RIMS2: variants seen among roughly 807,000 people sequenced by gnomAD.
RIMS2 encodes regulating synaptic membrane exocytosis protein 2.
RIMS2 carries 59 observed loss-of-function variants against 174.4 expected under a neutral mutation model. The ratio of observed to expected loss-of-function variants is 0.34; its 90% CI spans 0.27 to 0.42. The LOEUF (loss-of-function observed/expected upper bound fraction) is 0.42, where lower values mean the gene tolerates loss of function less well. Ranked by LOEUF, RIMS2 falls within the 10% of genes least tolerant of loss-of-function variation. The pLI is 1.00. For missense variants in RIMS2, 1,620 were observed against 1,666.3 expected (o/e 0.97, Z 0.48); for synonymous variants, 606 against 572.5 (o/e 1.06, Z -0.84).
intron 15 of RIMS2, among the ~76,000 whole-genome samples, chr8:103,967,343 A>G (rs1238829023): frequency 6.6e-6 from 1 of 151,132 alleles, no homozygotes; most frequent in Non-Finnish European, 1.5e-5. Context: ...GGCATGTGCC[A>G]CTACATCTGG....
intron 1 of RIMS2, among the ~76,000 whole-genome samples, chr8:103,609,115 A>T (rs1231217147): frequency 6.6e-6 from 1 of 152,038 alleles, no homozygotes; most frequent in Non-Finnish European, 1.5e-5. Context: ...AGTGATGTTG[A>T]GCATTTTTTC....
intron 19 of RIMS2, among the ~76,000 whole-genome samples, chr8:104,202,858 T>G (rs2099061726): frequency 6.6e-6 from 1 of 152,204 alleles, no homozygotes; most frequent in Non-Finnish European, 1.5e-5. Flanking sequence ...TGTGAAGAGA[T>G]ATAAATCACA....
At chr8:103,780,641 C>T (rs971228676) in intron 3 of RIMS2, among the ~76,000 whole-genome samples, 12 of 151,934 alleles carry the variant, frequency 7.9e-5, no homozygotes, top group Non-Finnish European at 1.6e-4. Context: ...TCCTGAATTG[C>T]TTTCTGTGTT....
intron 3 of RIMS2, among the ~76,000 whole-genome samples, chr8:103,811,746 G>A (rs151079376): frequency 3.9e-4 from 59 of 152,314 alleles, no homozygotes; most frequent in African/African-American, 1.3e-3. Flanking sequence ...ACACCCAGCT[G>A]TTGCGAGGTT....
intron 3 of RIMS2, among the ~76,000 whole-genome samples, chr8:103,779,765 AG>A (rs1322540053): frequency 5.6e-5 from 3 of 53,808 alleles, no homozygotes; most frequent in African/African-American, 2.3e-4. Flanking sequence ...GGGTGGGGGG[AG>A]GGGGGAGGGA....
intron 19 of RIMS2, among the ~76,000 whole-genome samples, chr8:104,032,190 G>A (rs1211938889): frequency 6.6e-6 from 1 of 151,916 alleles, no homozygotes; most frequent in African/African-American, 2.4e-5. Context: ...AATTGCAAAT[G>A]CTATTGAGAT....
chr8:104,070,394 C>G (rs978152520), intron 19 of RIMS2, among the ~76,000 whole-genome samples: 1 of 152,154 alleles, frequency 6.6e-6, no homozygotes, highest in South Asian at 2.1e-4. Flanking sequence ...TTCTAAATTT[C>G]TAGAACTTTT....
At chr8:103,897,911 A>G (rs1219847123) in intron 4 of RIMS2, among the ~76,000 whole-genome samples, 1 of 151,574 alleles carries the variant, frequency 6.6e-6, no homozygotes, top group Non-Finnish European at 1.5e-5. Context: ...TCTGGGTTCT[A>G]TTTTGAGCTG....
In RIMS2 at chr8:103,775,798, A is replaced by T. The variant is rs138232938; in HGVS notation, c.698+9261A>T. Among the ~76,000 whole-genome samples the T allele has an allele frequency of 2.7e-3, 415 of 152,310 alleles. 3 individuals are homozygous for T. The highest frequency in any genetic ancestry group is 9.5e-3 in the African/African-American group (396 of 41,588). On this transcript the variant is annotated intron_variant, in intron 3 of 23. Transcript: ENST00000504942. ...TCTTAAAAAAGATGTTTAACATAGT[A>T]TAATAATTGGTTTTACTGCATAGAA... is the stretch of plus-strand genomic sequence containing the variant.
In RIMS2 at chr8:104,193,892, C is replaced by T. The variant is rs866450974; in HGVS notation, c.3335-51024C>T. Among the ~76,000 whole-genome samples the T allele has an allele frequency of 7.2e-5, 11 of 152,186 alleles. No individual in the cohort carries two copies. The South Asian group carries it at 1.7e-3, about 23-fold the overall frequency. The stretch of plus-strand genomic sequence containing the variant: ...TCTGATATTAATACCTTCTTTGAAT[C>T]GAGACATTATAAAATCTTGCTAGCT... On this transcript the variant is annotated intron_variant, in intron 19 of 23. Coordinates refer to ENST00000504942, the Ensembl canonical transcript of RIMS2.
At chr8:103,560,282 G>T (rs1360237659) in intron 1 of RIMS2, among the ~76,000 whole-genome samples, 1 of 152,186 alleles carries the variant, frequency 6.6e-6, no homozygotes, top group African/African-American at 2.4e-5. Flanking sequence ...GGAGGCTGAG[G>T]TAGGAGAATC....
At chr8:103,602,333 G>A (rs770266527) in intron 1 of RIMS2, among the ~76,000 whole-genome samples, 5 of 152,102 alleles carry the variant, frequency 3.3e-5, no homozygotes, top group Non-Finnish European at 7.4e-5. Context: ...TTGGGGTTAC[G>A]TGTGCAGGTT....
At chr8:103,743,908 A>G (rs1177682054) in intron 2 of RIMS2, among the ~76,000 whole-genome samples, 2 of 152,198 alleles carry the variant, frequency 1.3e-5, no homozygotes, top group Non-Finnish European at 2.9e-5. Flanking sequence ...TGATTGAGAG[A>G]ATCAAATGAT....
At chr8:104,104,566 T>C in intron 19 of RIMS2, among the ~76,000 whole-genome samples, 1 of 152,144 alleles carries the variant, frequency 6.6e-6, no homozygotes, top group African/African-American at 2.4e-5. Flanking sequence ...GAAAATTATA[T>C]GATATAGTAA....
chr8:104,224,654 T>C (rs1015931356), intron 19 of RIMS2, among the ~76,000 whole-genome samples: 1 of 152,226 alleles, frequency 6.6e-6, no homozygotes. Flanking sequence ...TTTTTGTAAA[T>C]AACAGGGTTG....
intron 19 of RIMS2, among the ~76,000 whole-genome samples, chr8:104,168,653 A>G (rs1900520): frequency 0.43 from 65,751 of 151,670 alleles, 14,715 homozygotes; most frequent in East Asian, 0.63. Context: ...TATTTCTTTC[A>G]TCTGCTCTCG....
At chr8:103,696,862 CAAAA>C (rs55852238) in intron 1 of RIMS2, among the ~76,000 whole-genome samples, 3 of 53,742 alleles carry the variant, frequency 5.6e-5, no homozygotes, top group Non-Finnish European at 7.0e-5. Flanking sequence ...GACTTCGTCT[CAAAA>C]AAAAAAAAAA....
chr8:103,764,442 G>A (rs931954829), intron 2 of RIMS2, among the ~76,000 whole-genome samples: 1 of 152,078 alleles, frequency 6.6e-6, no homozygotes, highest in South Asian at 2.1e-4. Flanking sequence ...TCTGTTTTGC[G>A]TGACTTTTTA....
At chr8:104,248,922 TC>T in intron 21 of RIMS2, 109 bp downstream of exon 27, 2 of 564,734 alleles carry the variant, frequency 3.5e-6, no homozygotes, top group East Asian at 3.0e-5. Flanking sequence ...TTTCCCTCTC[TC>T]TCTCCCTCTA....
Sources: allele counts gnomAD v4.1 joint callset (sites outside exome capture counted in the v4.1 genomes callset), GRCh38; gene constraint gnomAD v4.1.1; transcripts MANE v1.5; gene names NCBI Gene and HGNC (gene_info 2026-07-23, HGNC 2026-07-21).